The following KIT variants were observed in gnomAD, a reference collection of about 807,000 sequenced individuals.
The protein encoded by KIT is KIT proto-oncogene, receptor tyrosine kinase.
KIT carries 16 observed loss-of-function variants against 105.7 expected under a neutral mutation model. The observed-to-expected ratio is 0.15, with a 90% CI of 0.10 to 0.23. KIT has a LOEUF of 0.23. KIT is among the 10% of genes least tolerant of loss of function. KIT has a pLI of 1.00. For missense variants in KIT, 858 were observed against 1,213.8 expected (o/e 0.71, Z 4.36); for synonymous variants, 438 against 441.1 (o/e 0.99, Z 0.09).
At chr4:54,682,659 A>T (rs1256732078) in intron 1 of KIT, among the ~76,000 whole-genome samples, 1 of 151,522 alleles carries the variant, frequency 6.6e-6, no homozygotes, top group East Asian at 1.9e-4. Context: ...TGAACTCCTA[A>T]CCTCAAGTGA....
rs79739728 is a variant in KIT at position 54,667,921 on chromosome 4, C to G, written c.67+9840C>G. Among the ~76,000 whole-genome samples the G allele has an allele frequency of 7.4e-3, 1,133 of 152,298 alleles. 20 individuals carry two copies. Among genetic ancestry groups the G allele is most frequent in the African/African-American group, 0.026 (1,076 of 41,556 alleles). The stretch of plus-strand genomic sequence containing the variant: ...CAAGGCTAATTCTGCTCCCTTCTCC[C>G]TACCGACCTTCCCCACTCCTAGCCA... On this transcript the variant is annotated intron_variant, in intron 1 of 20. Transcript: ENST00000288135.
Position 54,736,723 on chromosome 4 carries a change from A to C in KIT, c.2599A>C (p.Ser867Arg). Residue 867 changes from serine (S) to arginine (R), a missense_variant and splice_region_variant, in exon 19 of 21, where the codon AGC becomes CGC. Coordinates refer to ENST00000288135, the MANE Select transcript of KIT (RefSeq NM_000222.3). ...IFLWELFSLG[S>R]SPYPGMPVDS... ...CTGCTTTGCAAACTGTGTCTCAGGA[A>C]GCAGCCCCTATCCTGGAATGCCGGT... 6.2e-7 allele frequency: 1 copy of C among 1,614,008 alleles called. No homozygotes were observed. Among genetic ancestry groups the C allele is most frequent in the Non-Finnish European group, 8.5e-7 (1 of 1,179,868 alleles).
rs111816510 is a variant in KIT, at chr4:54,673,707, G to A, written c.67+15626G>A. Reference sequence around the variant, plus strand: ...GTTTTTCTTTAAAAATAACTATGTGGAATTCAACTGGATTCTTTTCTGTTG... The same window carrying A: ...GTTTTTCTTTAAAAATAACTATGTGAAATTCAACTGGATTCTTTTCTGTTG... On this transcript the variant is annotated intron_variant, in intron 1 of 20. Coordinates refer to ENST00000288135, the MANE Select transcript of KIT (RefSeq NM_000222.3). Among the ~76,000 whole-genome samples, 1,231 of 152,294 alleles carry A rather than the reference G, an allele frequency of 8.1e-3. 22 individuals are homozygous for A. Among genetic ancestry groups the A allele is most frequent in the African/African-American group, 0.029 (1,188 of 41,554 alleles).
intron 20 of KIT, 64 bp from the exon 21 acceptor site, chr4:54,738,365 A>C: frequency 6.3e-7 from 1 of 1,575,340 alleles, no homozygotes; most frequent in Non-Finnish European, 8.7e-7. Flanking sequence ...CACTGTAAGT[A>C]TGCCTTTTGT....
intron 5 of KIT, 35 bp from the exon 6 acceptor site, chr4:54,707,063 A>G (rs756234361): frequency 1.7e-5 from 21 of 1,228,894 alleles, no homozygotes; most frequent in Non-Finnish European, 2.3e-5. Context: ...AGTTGTAGAT[A>G]ATGGTTTCTT....
Position 54,723,580 on chromosome 4 carries a change from G to A in KIT, c.1232-4G>A, listed in dbSNP as rs759411599. On this transcript the variant is annotated splice_region_variant and splice_polypyrimidine_tract_variant and intron_variant, in intron 7 of 20. Transcript: ENST00000288135. ...GACATATGGCCATTTCTGTTTTCCT[G>A]TAGCAAAACCAGAAATCCTGACTTA... The A allele has an allele frequency of 2.5e-6, 4 of 1,604,144 alleles. No individual in the cohort carries two copies. The highest frequency in any genetic ancestry group is 1.7e-5 in the Admixed American group (1 of 59,976).
intron 7 of KIT, among the ~76,000 whole-genome samples, chr4:54,717,382 T>A (rs1468122456): frequency 2.0e-5 from 3 of 152,182 alleles, no homozygotes; most frequent in Non-Finnish European, 4.4e-5. Context: ...GGGGCCTTGA[T>A]GTAAACACTG....
chr4:54,696,044 T>C (rs1720043152), intron 2 of KIT: 4 of 529,352 alleles, frequency 7.6e-6, no homozygotes. Context: ...TTTGTGCTGG[T>C]GCTTTGAGTA....
At chr4:54,688,667 G>A (rs1978281) in intron 1 of KIT, among the ~76,000 whole-genome samples, 8,910 of 152,266 alleles carry the variant, frequency 0.059, 856 homozygotes, top group African/African-American at 0.2. Context: ...GGTCACTCCT[G>A]CTTCCACAGA....
At chr4:54,719,214 A>G (rs998819079) in intron 7 of KIT, among the ~76,000 whole-genome samples, 1 of 152,230 alleles carries the variant, frequency 6.6e-6, no homozygotes, top group African/African-American at 2.4e-5. Flanking sequence ...TGGCTGGGTG[A>G]GAGAACTCTA....
In KIT at chr4:54,727,302, T is replaced by G; in HGVS notation, c.1625T>G (p.Ile542Ser). 1 of 1,614,182 alleles carries G rather than the reference T, an allele frequency of 6.2e-7. No homozygotes were observed. Among genetic ancestry groups the G allele is most frequent in the Non-Finnish European group, 8.5e-7 (1 of 1,179,972 alleles). ...VAGMMCIIVM[I>S]LTYKYLQKPM... Reference sequence around the variant, plus strand: ...GGCATGATGTGCATTATTGTGATGATTCTGACCTACAAATATTTACAGGTA... The same window carrying G: ...GGCATGATGTGCATTATTGTGATGAGTCTGACCTACAAATATTTACAGGTA... The change falls in exon 10 of 21, where the codon ATT (isoleucine) becomes AGT (serine). Residue 542 changes from isoleucine (I) to serine (S), a missense_variant. Ile to Ser is a moderately radical substitution (Grantham distance 142). This residue lies in a region of KIT where 78 missense variants were observed against 77.6 expected (regional missense o/e 1.01). Coordinates refer to ENST00000288135, the MANE Select transcript of KIT (RefSeq NM_000222.3).
chr4:54,659,548 AG>A (rs1717087883), intron 1 of KIT, among the ~76,000 whole-genome samples: 1 of 152,178 alleles, frequency 6.6e-6, no homozygotes, highest in Non-Finnish European at 1.5e-5. Context: ...CGCAGTCTGC[AG>A]CGTCCTGGAC....
At chr4:54,718,903 T>A (rs1721671346) in intron 7 of KIT, among the ~76,000 whole-genome samples, 2 of 152,174 alleles carry the variant, frequency 1.3e-5, no homozygotes, top group Non-Finnish European at 2.9e-5. Flanking sequence ...ATATTCCTTT[T>A]ATAAGTAAGG....
chr4:54,731,470 A>G (rs1722594837), intron 15 of KIT, 51 bp downstream of exon 15: 3 of 1,175,414 alleles, frequency 2.6e-6, no homozygotes, highest in African/African-American at 1.5e-5. Flanking sequence ...GAGAGTATGT[A>G]TATCATGCTA....
rs546208600 is a variant in KIT, at chr4:54,658,994, A to G, written c.67+913A>G. On this transcript the variant is annotated intron_variant, in intron 1 of 20. Transcript: ENST00000288135. ...CTGCGTTCCCTGACTCCAACCGCCT[A>G]GCACGCCGGCCAGAGTGCCCGGCCT... 3.1e-3 allele frequency among the ~76,000 whole-genome samples: 467 copies of G among 152,176 alleles called. 3 individuals are homozygous for G. The highest frequency in any genetic ancestry group is 0.011 in the African/African-American group (452 of 41,542).
intron 1 of KIT, among the ~76,000 whole-genome samples, chr4:54,674,901 GGAGA>G (rs151128703): frequency 6.6e-6 from 1 of 152,276 alleles, no homozygotes; most frequent in African/African-American, 2.4e-5. Flanking sequence ...GAGTTCTGAA[GGAGA>G]GAGTGCTATT....
chr4:54,694,418 C>T (rs1703865593), intron 1 of KIT, among the ~76,000 whole-genome samples: 2 of 152,164 alleles, frequency 1.3e-5, no homozygotes, highest in Non-Finnish European at 1.5e-5. Flanking sequence ...GTGTTGCAAT[C>T]ACAGTTTGCT....
chr4:54,699,917 C>G, intron 4 of KIT, 151 bp downstream of exon 4: 1 of 740,188 alleles, frequency 1.4e-6, no homozygotes, highest in East Asian at 2.6e-5. Context: ...ATATTTCCCC[C>G]TTTCATACCT....
chr4:54,729,264 G>T (rs2109785315), intron 13 of KIT, 71 bp from the exon 14 acceptor site: 1 of 1,543,084 alleles, frequency 6.5e-7, no homozygotes, highest in East Asian at 2.2e-5. Flanking sequence ...CCACCCTTGG[G>T]TATTTTTATG....
Sources: allele counts gnomAD v4.1 joint callset (sites outside exome capture counted in the v4.1 genomes callset), GRCh38; gene constraint gnomAD v4.1.1; regional missense constraint gnomAD v4.1.1; transcripts MANE v1.5; gene names NCBI Gene and HGNC (gene_info 2026-07-23, HGNC 2026-07-21).